Variants in CMC2 observed in about 807,000 individuals in gnomAD.
The protein encoded by CMC2 is COX assembly mitochondrial protein 2 homolog.
CMC2 carries 5 observed loss-of-function variants against 7.5 expected under a neutral mutation model. That is an observed-to-expected ratio of 0.66 (90% CI 0.35 to 1.40). The LOEUF (loss-of-function observed/expected upper bound fraction) is 1.40, where lower values mean the gene tolerates loss of function less well. CMC2 is among the 40% of genes most tolerant of loss of function. The pLI is 0.04. For synonymous variants in CMC2, 37 were observed against 31.4 expected (o/e 1.18, Z -0.60); for missense variants, 115 against 92.3 (o/e 1.25, Z -1.01).
intron 3 of CMC2, among the ~76,000 whole-genome samples, chr16:80,977,454 G>C (rs983099097): frequency 2.6e-5 from 4 of 152,184 alleles, no homozygotes; most frequent in Admixed American, 2.6e-4. Flanking sequence ...AAGGGTAAAA[G>C]TAAATTCAAA....
intron 2 of CMC2, chr16:80,988,649 G>A: frequency 1.4e-6 from 1 of 695,416 alleles, no homozygotes; most frequent in Non-Finnish European, 2.6e-6. Context: ...CCAAAATTAG[G>A]AAATTAACAT....
chr16:80,992,028 C>A (rs554740496), intron 2 of CMC2: 5 of 434,704 alleles, frequency 1.2e-5, no homozygotes, highest in Middle Eastern at 3.4e-4. Context: ...CTTTAAATAA[C>A]GATCATGTAT....
rs1389084270 is a variant in CMC2 at position 80,970,644 on chromosome 16, C to A, written c.*5449G>T. The A allele has an allele frequency of 6.6e-6, 1 of 152,124 alleles. No homozygotes were observed. The highest frequency in any genetic ancestry group is 2.4e-5 in the African/African-American group (1 of 41,426). 9.4% of individuals were successfully genotyped at this position (152,124 alleles called of 1,614,324 possible). A position where few individuals can be genotyped will look rare whatever the true frequency, so the allele number is the denominator to read the frequency against. ...CAAATGATTCATTACTGTTACTATT[C>A]AAAAGTGATGTGACTGTCTACATAG... On this transcript the variant is annotated 3_prime_UTR_variant, in exon 4 of 4. Transcript: ENST00000219400.
chr16:80,974,183 G>C lies in CMC2; in HGVS notation c.*1910C>G, dbSNP rs1389327444. On this transcript the variant is annotated 3_prime_UTR_variant, in exon 4 of 4. Coordinates refer to ENST00000219400, the MANE Select transcript of CMC2 (RefSeq NM_020188.5). ...GACACTTCCTTAAACCCTACACCTA[G>C]TCAGTCATGCTGACTCAATGCTTGA... 1 of 152,222 alleles carries C rather than the reference G, an allele frequency of 6.6e-6. No individual in the cohort carries two copies. Among genetic ancestry groups the C allele is most frequent in the Non-Finnish European group, 1.5e-5 (1 of 68,088 alleles). The allele number at this position is 152,222 out of a possible 1,614,324, so 9.4% of individuals were successfully genotyped here. A position where few individuals can be genotyped will look rare whatever the true frequency, so the allele number is the denominator to read the frequency against.
At chr16:80,992,152 G>A (rs1968051179) in intron 2 of CMC2, among the ~76,000 whole-genome samples, 1 of 152,132 alleles carries the variant, frequency 6.6e-6, no homozygotes, top group African/African-American at 2.4e-5. Context: ...CAATTTCTCT[G>A]TAAATCTAAA....
intron 2 of CMC2, chr16:80,984,063 G>A (rs1234353843): frequency 6.6e-6 from 1 of 151,752 alleles, no homozygotes; most frequent in African/African-American, 2.4e-5. Flanking sequence ...TACAATATAA[G>A]GAAATCTGCC....
Position 80,969,033 on chromosome 16 carries a change from C to G in CMC2, c.*7060G>C, listed in dbSNP as rs1911740577. ...TAAGAGTAAGGCCAGTGTGACTCAC[C>G]TTGGGCTCTGAGCAGAAAAAATATG... On this transcript the variant is annotated 3_prime_UTR_variant, in exon 4 of 4. Transcript: ENST00000219400. 1 of 152,186 alleles carries G rather than the reference C, an allele frequency of 6.6e-6. No individual in the cohort carries two copies. Among genetic ancestry groups the G allele is most frequent in the Non-Finnish European group, 1.5e-5 (1 of 68,032 alleles). 9.4% of individuals were successfully genotyped at this position (152,186 alleles called of 1,614,324 possible). A position where few individuals can be genotyped will look rare whatever the true frequency, so the allele number is the denominator to read the frequency against.
intron 2 of CMC2, chr16:80,983,699 C>A (rs527669110): frequency 6.6e-6 from 1 of 152,220 alleles, no homozygotes; most frequent in African/African-American, 2.4e-5. Flanking sequence ...ATAAGTAACA[C>A]AGATGCGCGC....
At chr16:80,977,512 G>C (rs1912550914) in intron 3 of CMC2, among the ~76,000 whole-genome samples, 2 of 152,104 alleles carry the variant, frequency 1.3e-5, no homozygotes, top group Admixed American at 6.5e-5. Context: ...GAATCTTTTA[G>C]GAGCCACAGA....
chr16:80,991,880 A>G, intron 2 of CMC2: 1 of 452,344 alleles, frequency 2.2e-6, no homozygotes, highest in Non-Finnish European at 4.4e-6. Flanking sequence ...GGGTCATCAA[A>G]AACAAAGAAA....
chr16:80,979,593 T>A (rs926141761), intron 3 of CMC2, among the ~76,000 whole-genome samples: 5 of 151,914 alleles, frequency 3.3e-5, no homozygotes, highest in South Asian at 2.1e-4. Flanking sequence ...CCATAAGCTA[T>A]TTATTTTATT....
chr16:80,999,963 G>T (rs1485736356), intron 1 of CMC2, among the ~76,000 whole-genome samples: 1 of 152,056 alleles, frequency 6.6e-6, no homozygotes, highest in Admixed American at 6.6e-5. Flanking sequence ...GAAAACCCAG[G>T]AAACACCATT....
chr16:81,006,002 G>A (rs532054537), intron 1 of CMC2, among the ~76,000 whole-genome samples: 2 of 152,134 alleles, frequency 1.3e-5, no homozygotes, highest in Non-Finnish European at 2.9e-5. Flanking sequence ...AACTAAACAA[G>A]TGCAAAAGCC....
intron 2 of CMC2, among the ~76,000 whole-genome samples, chr16:80,986,945 T>C (rs959683897): frequency 6.6e-6 from 1 of 152,102 alleles, no homozygotes; most frequent in African/African-American, 2.4e-5. Flanking sequence ...TAGCCTAGGG[T>C]ATCCTGAAGA....
rs1322650847 is a variant in CMC2, at chr16:80,973,592, G to C, written c.*2501C>G. 2 of 152,054 alleles carry C rather than the reference G, an allele frequency of 1.3e-5. No homozygotes were observed. The highest frequency in any genetic ancestry group is 2.1e-4 in the South Asian group (1 of 4,820). 9.4% of individuals were successfully genotyped at this position (152,054 alleles called of 1,614,324 possible). A position where few individuals can be genotyped will look rare whatever the true frequency, so the allele number is the denominator to read the frequency against. ...AACCACTCCCTAAAACTTTCTAATG[G>C]TTTTCCATTATGCTCCAAATAACAT... On this transcript the variant is annotated 3_prime_UTR_variant, in exon 4 of 4. Transcript: ENST00000219400.
chr16:80,977,251 T>C (rs1403226068), intron 3 of CMC2, among the ~76,000 whole-genome samples: 2 of 152,224 alleles, frequency 1.3e-5, no homozygotes, highest in African/African-American at 4.8e-5. Context: ...CCTAGTATTC[T>C]GATCTGGCCA....
chr16:80,986,459 GA>G (rs11441364), intron 2 of CMC2, among the ~76,000 whole-genome samples: 13 of 145,588 alleles, frequency 8.9e-5, no homozygotes, highest in African/African-American at 2.0e-4. Context: ...CGTCTCAAAA[GA>G]AAAAAAAAAA....
rs899747499 is a variant in CMC2 at position 80,971,383 on chromosome 16, A to G, written c.*4710T>C. The G allele has an allele frequency of 1.8e-4, 27 of 151,928 alleles. 1 individual carries two copies. The highest frequency in any genetic ancestry group is 1.2e-3 in the Admixed American group (18 of 15,252). 9.4% of individuals were successfully genotyped at this position (151,928 alleles called of 1,614,324 possible). A position where few individuals can be genotyped will look rare whatever the true frequency, so the allele number is the denominator to read the frequency against. On this transcript the variant is annotated 3_prime_UTR_variant, in exon 4 of 4. Coordinates refer to ENST00000219400, the MANE Select transcript of CMC2 (RefSeq NM_020188.5). ...AATACATAAACCGTGGTATAGGCCT[A>G]CAACAAAATGCTATATAGCAGGCAA...
At chr16:80,999,163 G>A (rs751952003) in intron 1 of CMC2, among the ~76,000 whole-genome samples, 3 of 152,132 alleles carry the variant, frequency 2.0e-5, no homozygotes, top group Non-Finnish European at 4.4e-5. Context: ...CTTCACTGAC[G>A]ATATGATTCT....
Sources: gnomAD v4.1 joint callset for allele counts (sites outside exome capture counted in the v4.1 genomes callset) on GRCh38, gnomAD v4.1.1 for gene constraint, MANE v1.5 for transcripts, NCBI Gene and HGNC (gene_info 2026-07-23, HGNC 2026-07-21) for gene names.